Variants in FRMD4A observed in about 807,000 individuals in gnomAD.
FRMD4A encodes the protein FERM domain containing 4A, also known as FERM domain-containing protein 4A.
A neutral mutation model predicts 129.1 loss-of-function variants in FRMD4A; 29 were observed. The observed-to-expected ratio is 0.22, with a 90% confidence interval of 0.17 to 0.31. FRMD4A has a LOEUF of 0.31. FRMD4A is among the 10% of genes least tolerant of loss of function. The pLI is 1.00. For missense variants in FRMD4A, 1,272 were observed against 1,375.8 expected, an observed-to-expected ratio of 0.92 and a Z score of 1.19; for synonymous variants, 634 against 571.6, an observed-to-expected ratio of 1.11 and a Z score of -1.56.
At chr10:14,053,095 T>C (rs769911679) in intron 2 of FRMD4A, among the ~76,000 whole-genome samples, 37 of 152,280 alleles carry the variant, frequency 2.4e-4, no homozygotes, top group Non-Finnish European at 5.1e-4. Context: ...GCTCCCAGAC[T>C]ACGTGAGCAA....
At chr10:13,913,003 G>A (rs2094959800) in intron 2 of FRMD4A, among the ~76,000 whole-genome samples, 1 of 151,580 alleles carries the variant, frequency 6.6e-6, no homozygotes, top group Admixed American at 6.6e-5. Flanking sequence ...AACTCGGGAG[G>A]CAGAGTTTGC....
chr10:14,284,078 A>G (rs1191927101), intron 2 of FRMD4A, among the ~76,000 whole-genome samples: 1 of 152,232 alleles, frequency 6.6e-6, no homozygotes, highest in Non-Finnish European at 1.5e-5. Context: ...AGTTATCTCA[A>G]CTATGAAATA....
chr10:13,976,902 T>C (rs1037723022), intron 2 of FRMD4A, among the ~76,000 whole-genome samples: 1 of 152,196 alleles, frequency 6.6e-6, no homozygotes, highest in Non-Finnish European at 1.5e-5. Context: ...AAAAAGACTT[T>C]CTTGGATGCA....
At chr10:14,111,233 A>C (rs1837885372) in intron 2 of FRMD4A, among the ~76,000 whole-genome samples, 1 of 152,238 alleles carries the variant, frequency 6.6e-6, no homozygotes, top group Admixed American at 6.5e-5. Flanking sequence ...GTGGAATCCT[A>C]CATTATTTCC....
chr10:13,789,235 C>T (rs2092937142), intron 5 of FRMD4A, among the ~76,000 whole-genome samples: 1 of 152,130 alleles, frequency 6.6e-6, no homozygotes, highest in Non-Finnish European at 1.5e-5. Context: ...TAGATCCATG[C>T]CATCATTGTT....
At chr10:13,750,109 GAAGAAAGA>G (rs137911059) in intron 8 of FRMD4A, among the ~76,000 whole-genome samples, 3,454 of 73,616 alleles carry the variant, frequency 0.047, 131 homozygotes, top group Middle Eastern at 0.12. Flanking sequence ...AGAAAGAAAT[GAAGAAAGA>G]AAGAAAGAAA....
chr10:13,815,010 TC>T (rs1297334511), intron 3 of FRMD4A, among the ~76,000 whole-genome samples: 2 of 152,130 alleles, frequency 1.3e-5, no homozygotes, highest in African/African-American at 4.8e-5. Context: ...CTTTAGCTGA[TC>T]ATGTTACATT....
intron 3 of FRMD4A, among the ~76,000 whole-genome samples, chr10:13,824,987 T>C (rs2093680501): frequency 6.6e-6 from 1 of 152,090 alleles, no homozygotes; most frequent in Admixed American, 6.6e-5. Context: ...CATCACACTT[T>C]GCAGTCATTT....
chr10:13,905,967 C>T (rs143877381), intron 2 of FRMD4A, among the ~76,000 whole-genome samples: 2 of 152,326 alleles, frequency 1.3e-5, no homozygotes, highest in African/African-American at 4.8e-5. Flanking sequence ...ACATTTCTGC[C>T]ACCCCTTGAA....
intron 2 of FRMD4A, among the ~76,000 whole-genome samples, chr10:14,117,948 G>A (rs1838288130): frequency 1.3e-5 from 2 of 152,078 alleles, no homozygotes; most frequent in South Asian, 4.1e-4. Flanking sequence ...GTGCCTCATG[G>A]GGACACATTT....
chr10:14,298,490 T>G (rs1846081494), intron 2 of FRMD4A, among the ~76,000 whole-genome samples: 1 of 152,180 alleles, frequency 6.6e-6, no homozygotes, highest in Non-Finnish European at 1.5e-5. Flanking sequence ...GAGGGAAGCC[T>G]CCACTCAGCT....
At chr10:14,273,549 C>T (rs180920325) in intron 2 of FRMD4A, among the ~76,000 whole-genome samples, 22 of 152,122 alleles carry the variant, frequency 1.4e-4, no homozygotes, top group African/African-American at 5.3e-4. Context: ...GCAGTCTACT[C>T]TGCTCATCTT....
intron 2 of FRMD4A, among the ~76,000 whole-genome samples, chr10:14,197,042 C>A (rs1469223421): frequency 6.6e-6 from 1 of 152,166 alleles, no homozygotes; most frequent in Non-Finnish European, 1.5e-5. Flanking sequence ...AAACCCCTGC[C>A]AGCCTGAAGA....
chr10:14,123,075 T>C (rs1312643258), intron 2 of FRMD4A, among the ~76,000 whole-genome samples: 1 of 151,780 alleles, frequency 6.6e-6, no homozygotes, highest in Non-Finnish European at 1.5e-5. Context: ...TTGAATATAT[T>C]TGGAAATTTC....
intron 12 of FRMD4A, among the ~76,000 whole-genome samples, chr10:13,719,098 T>C (rs886565740): frequency 1.3e-5 from 2 of 152,160 alleles, no homozygotes; most frequent in African/African-American, 2.4e-5. Flanking sequence ...ACTTGAGCCC[T>C]CCTCTGTCTG....
intron 2 of FRMD4A, among the ~76,000 whole-genome samples, chr10:14,032,982 A>G (rs955812105): frequency 1.4e-4 from 22 of 152,298 alleles, no homozygotes; most frequent in African/African-American, 5.1e-4. Context: ...ACGAAACTGA[A>G]TATCTGCGAG....
chr10:14,313,190 C>CA (rs34896223), intron 2 of FRMD4A, among the ~76,000 whole-genome samples: 2,745 of 148,474 alleles, frequency 0.018, 64 homozygotes, highest in African/African-American at 0.063. Context: ...TCATTTCTAC[C>CA]AAAAAAAAAA....
chr10:13,924,596 A>G (rs1212819452), intron 2 of FRMD4A, among the ~76,000 whole-genome samples: 1 of 151,920 alleles, frequency 6.6e-6, no homozygotes, highest in Non-Finnish European at 1.5e-5. Flanking sequence ...ATTACTCTCC[A>G]TCCTCCTAGA....
intron 2 of FRMD4A, among the ~76,000 whole-genome samples, chr10:14,068,634 A>G (rs376703125): frequency 2.4e-4 from 36 of 152,228 alleles, no homozygotes; most frequent in East Asian, 9.6e-4. Context: ...TAAATTCTAC[A>G]GAAACAAACT....
Sources: allele counts gnomAD v4.1 joint callset (sites outside exome capture counted in the v4.1 genomes callset), GRCh38; gene constraint gnomAD v4.1.1; transcripts MANE v1.5; gene names NCBI Gene and HGNC (gene_info 2026-07-23, HGNC 2026-07-21).